The following MYO16 variants were observed in gnomAD, a reference collection of about 807,000 sequenced individuals.
MYO16 encodes myosin XVI, also known as unconventional myosin-XVI.
A neutral mutation model predicts 205.3 loss-of-function variants in MYO16; 94 were observed. The ratio of observed to expected loss-of-function variants is 0.46; its 90% CI spans 0.39 to 0.54. The LOEUF (loss-of-function observed/expected upper bound fraction) is 0.54, where lower values mean the gene tolerates loss of function less well. Ranked by LOEUF, MYO16 falls within the 20% of genes least tolerant of loss-of-function variation. MYO16 has a pLI of 0.00. For synonymous variants in MYO16, 988 were observed against 954.0 expected, an observed-to-expected ratio of 1.04 and a Z score of -0.66; for missense variants, 2,315 against 2,387.5, an observed-to-expected ratio of 0.97 and a Z score of 0.63.
chr13:108,942,367 C>T (rs1020926226), intron 16 of MYO16, among the ~76,000 whole-genome samples: 3 of 152,154 alleles, frequency 2.0e-5, no homozygotes, highest in African/African-American at 7.2e-5. Flanking sequence ...TCATAAAGCC[C>T]CTTAGAAAAT....
chr13:108,798,685 C>CTTTTTTTTTTTTTTTTTTTTTT (rs1163799788), intron 6 of MYO16, among the ~76,000 whole-genome samples: 1 of 105,210 alleles, frequency 9.5e-6, no homozygotes, highest in African/African-American at 3.6e-5. Flanking sequence ...GGCCCCGAGG[C>CTTTTTTTTTTTTTTTTTTTTTT]TTATTTTTTT....
At chr13:108,661,353 A>G (rs1368035053) in intron 1 of MYO16, among the ~76,000 whole-genome samples, 2 of 152,104 alleles carry the variant, frequency 1.3e-5, no homozygotes, top group South Asian at 2.1e-4. Flanking sequence ...GGAAATTTTC[A>G]TCAATTATTC....
chr13:108,503,741 A>C, the MYO16 span, among the ~76,000 whole-genome samples: 10 of 152,176 alleles, frequency 6.6e-5, no homozygotes, highest in Non-Finnish European at 1.5e-4. Flanking sequence ...AATAAATTAT[A>C]TATGTAATAT....
intron 21 of MYO16, among the ~76,000 whole-genome samples, chr13:108,997,422 A>AAAGGAAAGGAAAGGG: frequency 7.2e-6 from 1 of 139,382 alleles, no homozygotes; most frequent in African/African-American, 2.7e-5. Context: ...AAAGGAAAGG[A>AAAGGAAAGGAAAGGG]AAGGAAAGGA....
At chr13:108,635,756 TC>T (rs1402170923) in intron 1 of MYO16, among the ~76,000 whole-genome samples, 1 of 152,178 alleles carries the variant, frequency 6.6e-6, no homozygotes, top group East Asian at 1.9e-4. Flanking sequence ...CGCCTCAGCC[TC>T]CCAAAGTGCT....
rs909495363 is a variant in MYO16, at chr13:109,125,708, G to A, written c.3782+350G>A. Among the ~76,000 whole-genome samples the A allele has an allele frequency of 2.0e-5, 3 of 152,182 alleles. No homozygotes were observed. Among genetic ancestry groups the A allele is most frequent in the Non-Finnish European group, 4.4e-5 (3 of 68,036 alleles). On this transcript the variant is annotated intron_variant, in intron 30 of 34. Transcript: ENST00000457511. The surrounding 1 kb of genome is among the most constrained non-coding windows in gnomAD (Gnocchi z 4.0). ...TGGCTGTTGACATTTTTACACAAGC[G>A]TTACGGATATAAGGCTGGCTTATAG... is the stretch of plus-strand genomic sequence containing the variant.
chr13:108,951,849 T>G (rs576558690), intron 16 of MYO16, among the ~76,000 whole-genome samples: 85 of 152,282 alleles, frequency 5.6e-4, no homozygotes, highest in Non-Finnish European at 1.1e-3. Flanking sequence ...ATGCCTGTAA[T>G]CCCAGCACTT....
intron 4 of MYO16, among the ~76,000 whole-genome samples, chr13:108,771,357 C>T (rs9587682): frequency 0.035 from 5,305 of 152,090 alleles, 310 homozygotes; most frequent in African/African-American, 0.12. Context: ...TTTTTTAGAG[C>T]AGTTTTAGGT....
chr13:108,682,961 T>C (rs1882525940), intron 2 of MYO16, among the ~76,000 whole-genome samples: 1 of 152,166 alleles, frequency 6.6e-6, no homozygotes. Flanking sequence ...ATAGAGTCTT[T>C]TTCTAAGATG....
At chr13:109,130,475 T>C (rs1876481388) in intron 31 of MYO16, among the ~76,000 whole-genome samples, 1 of 152,270 alleles carries the variant, frequency 6.6e-6, no homozygotes. Flanking sequence ...CATTCTGGCA[T>C]GTGCTCTCAA....
intron 15 of MYO16, 40 bp downstream of exon 15, chr13:108,898,173 G>C: frequency 6.7e-7 from 1 of 1,495,358 alleles, no homozygotes; most frequent in African/African-American, 1.4e-5. Flanking sequence ...CCTGTGCCGA[G>C]CCAGCATGCG....
intron 9 of MYO16, among the ~76,000 whole-genome samples, chr13:108,831,388 C>A (rs1164519577): frequency 1.3e-5 from 2 of 152,154 alleles, no homozygotes; most frequent in East Asian, 1.9e-4. Flanking sequence ...GATAGGGCTT[C>A]AAGGAATTAA....
At chr13:108,813,741 C>T (rs1189486785) in intron 7 of MYO16, among the ~76,000 whole-genome samples, 1 of 152,058 alleles carries the variant, frequency 6.6e-6, no homozygotes, top group East Asian at 1.9e-4. Context: ...TCACCTTAAC[C>T]TCTGATAACT....
At chr13:108,950,236 A>G (rs1017046238) in intron 16 of MYO16, among the ~76,000 whole-genome samples, 1 of 149,752 alleles carries the variant, frequency 6.7e-6, no homozygotes, top group African/African-American at 2.5e-5. Context: ...ACTTCATTAA[A>G]AATATCAGAC....
intron 1 of MYO16, among the ~76,000 whole-genome samples, chr13:108,650,151 T>C (rs539770687): frequency 1.0e-4 from 15 of 144,734 alleles, no homozygotes; most frequent in Admixed American, 1.0e-3. Context: ...TAAATAAAAT[T>C]ATTGTCAAGA....
the MYO16 span, among the ~76,000 whole-genome samples, chr13:108,503,263 A>C: frequency 2.0e-5 from 3 of 151,460 alleles, no homozygotes; most frequent in Admixed American, 1.3e-4. Context: ...TATGTGGAAA[A>C]CCCCCCTAGG....
the MYO16 span, among the ~76,000 whole-genome samples, chr13:108,520,595 G>A: frequency 4.1e-4 from 62 of 152,046 alleles, 1 homozygote; most frequent in South Asian, 1.0e-3. Flanking sequence ...GGAGAAAATC[G>A]GTTAGTAAAA....
intron 27 of MYO16, among the ~76,000 whole-genome samples, chr13:109,084,773 G>A (rs1236924728): frequency 5.3e-5 from 8 of 151,022 alleles, no homozygotes; most frequent in African/African-American, 1.7e-4. Context: ...GTTTGTGAAT[G>A]TCTGGACACT....
chr13:108,705,331 C>A (rs1298673648), intron 2 of MYO16, among the ~76,000 whole-genome samples: 2 of 152,148 alleles, frequency 1.3e-5, no homozygotes, highest in Non-Finnish European at 2.9e-5. Context: ...ACACAGGAGC[C>A]TTTTCTGACC....
Sources: allele counts gnomAD v4.1 joint callset (sites outside exome capture counted in the v4.1 genomes callset), GRCh38; gene constraint gnomAD v4.1.1; non-coding constraint Gnocchi (gnomAD v3.1); transcripts MANE v1.5; gene names NCBI Gene and HGNC (gene_info 2026-07-23, HGNC 2026-07-21).